RRP1B: variants seen among roughly 807,000 people sequenced by gnomAD.
RRP1B encodes ribosomal RNA processing protein 1 homolog B.
A neutral mutation model predicts 80.2 loss-of-function variants in RRP1B; 56 were observed. The observed-to-expected ratio is 0.70, with a 90% CI of 0.56 to 0.87. RRP1B has a LOEUF of 0.87. RRP1B is among the 40% of genes least tolerant of loss of function. The pLI is 0.00. For synonymous variants in RRP1B, 351 were observed against 357.6 expected (o/e 0.98, Z 0.21); for missense variants, 807 against 939.8 (o/e 0.86, Z 1.85).
intron 1 of RRP1B, among the ~76,000 whole-genome samples, chr21:43,664,402 A>G (rs1010454152): frequency 1.3e-5 from 2 of 152,134 alleles, no homozygotes; most frequent in Non-Finnish European, 2.9e-5. Flanking sequence ...AAAGTGAGAC[A>G]ATTATTATTG....
intron 2 of RRP1B, 131 bp downstream of exon 2, chr21:43,670,097 C>T (rs1568955375): frequency 1.3e-5 from 7 of 523,290 alleles, no homozygotes; most frequent in South Asian, 4.2e-5. Flanking sequence ...GAGTCATTTT[C>T]GTACCTCTTG....
In RRP1B at chr21:43,683,317, G is replaced by A; in HGVS notation, c.835G>A (p.Asp279Asn). 4 of 1,614,200 alleles carry A rather than the reference G, an allele frequency of 2.5e-6. No homozygotes were observed. The highest frequency in any genetic ancestry group is 3.4e-6 in the Non-Finnish European group (4 of 1,180,024). ...KNHSRKDGLS[D>N]ERGRDDCGTF... Reference sequence around the variant, plus strand: ...CCATTCCAGAAAAGATGGACTCAGTGATGAAAGAGGAAGAGATGACTGTGG... The same window carrying A: ...CCATTCCAGAAAAGATGGACTCAGTAATGAAAGAGGAAGAGATGACTGTGG... The change falls in exon 9 of 16, where the codon GAT becomes AAT. Residue 279 changes from aspartate to asparagine, a missense_variant. Asp to Asn is a conservative substitution (Grantham distance 23, BLOSUM62 1). Coordinates refer to ENST00000340648, the MANE Select transcript of RRP1B (RefSeq NM_015056.3).
intron 2 of RRP1B, 26 bp from the exon 3 acceptor site, chr21:43,672,282 G>A (rs1026519504): frequency 1.9e-6 from 3 of 1,612,464 alleles, no homozygotes; most frequent in African/African-American, 2.7e-5. Context: ...TAACCCCCAT[G>A]TTTCTCCCCA....
intron 3 of RRP1B, among the ~76,000 whole-genome samples, chr21:43,673,659 A>C (rs1568956308): frequency 6.6e-6 from 1 of 151,934 alleles, no homozygotes; most frequent in Non-Finnish European, 1.5e-5. Context: ...AAAAAAGTAA[A>C]AGATCTGCAC....
intron 5 of RRP1B, 142 bp from the exon 6 acceptor site, chr21:43,674,892 G>A (rs903675143): frequency 2.5e-6 from 3 of 1,223,104 alleles, no homozygotes; most frequent in Non-Finnish European, 3.5e-6. Context: ...TTAAGTGATT[G>A]CTTTTTTCCT....
intron 8 of RRP1B, among the ~76,000 whole-genome samples, chr21:43,678,845 G>A (rs531186645): frequency 2.3e-4 from 35 of 152,200 alleles, no homozygotes; most frequent in Middle Eastern, 3.4e-3. Context: ...TACCTAAGCC[G>A]ACATCTGGAA....
chr21:43,679,613 C>T (rs2083035650), intron 8 of RRP1B, among the ~76,000 whole-genome samples: 1 of 152,138 alleles, frequency 6.6e-6, no homozygotes, highest in Admixed American at 6.6e-5. Flanking sequence ...TTTGGCTATG[C>T]AGGCTCTTTT....
chr21:43,689,993 C>T (rs1379942122), intron 13 of RRP1B, among the ~76,000 whole-genome samples: 2 of 152,280 alleles, frequency 1.3e-5, no homozygotes, highest in Non-Finnish European at 2.9e-5. Flanking sequence ...ATTAACAGAT[C>T]GGCTTTGAAA....
Position 43,691,937 on chromosome 21 carries a change from G to A in RRP1B, c.2083+435G>A, listed in dbSNP as rs562567333. On this transcript the variant is annotated intron_variant, in intron 15 of 15. Transcript: ENST00000340648. The surrounding 1 kb of genome is among the most constrained non-coding windows in gnomAD (Gnocchi z 4.2). The stretch of plus-strand genomic sequence containing the variant: ...TCTGGGATTACAAGCGTGAGCCACC[G>A]AGCCCGGCCCCTCACTGCCCATTTC... Among the ~76,000 whole-genome samples the A allele has an allele frequency of 9.2e-5, 14 of 152,184 alleles. No homozygotes were observed. The highest frequency in any genetic ancestry group is 1.9e-4 in the East Asian group (1 of 5,178).
intron 15 of RRP1B, among the ~76,000 whole-genome samples, chr21:43,692,957 T>C (rs988393829): frequency 6.6e-6 from 1 of 152,148 alleles, no homozygotes; most frequent in African/African-American, 2.4e-5. Context: ...CCTTAGTCTG[T>C]GCAGGCAGCC....
At position 43,672,377 on chromosome 21, in the gene RRP1B, T is replaced by A. The variant is rs1165959638; in HGVS notation, c.271+12T>A. 1.2e-6 allele frequency: 2 copies of A among 1,610,578 alleles called. No individual in the cohort carries two copies. The highest frequency in any genetic ancestry group is 1.7e-6 in the Non-Finnish European group (2 of 1,176,850). Reference sequence around the variant, plus strand: ...CAACTCAGCGGCTCGTAAGTCCTGTTGTTTCTTCTCCTTCCTTCCAAGTTT... The same window carrying A: ...CAACTCAGCGGCTCGTAAGTCCTGTAGTTTCTTCTCCTTCCTTCCAAGTTT... On this transcript the variant is annotated intron_variant, in intron 3 of 15. Coordinates refer to ENST00000340648, the MANE Select transcript of RRP1B (RefSeq NM_015056.3).
In RRP1B at chr21:43,690,448, C is replaced by A. The variant is rs377092756; in HGVS notation, c.2019+8C>A. 52 of 1,613,472 alleles carry A rather than the reference C, an allele frequency of 3.2e-5. No homozygotes were observed. In the African/African-American group the frequency reaches 3.5e-4, roughly 11 times the overall value. Reference sequence around the variant, plus strand: ...CCAGGCCCTGCCGTCCAGGTACGCACCCTCCCCAGAGTGGCACAGCACATT... The same window carrying A: ...CCAGGCCCTGCCGTCCAGGTACGCAACCTCCCCAGAGTGGCACAGCACATT... On this transcript the variant is annotated splice_region_variant and intron_variant, in intron 14 of 15. Transcript: ENST00000340648.
chr21:43,693,475 G>T lies in RRP1B; in HGVS notation c.*92G>T. ...AATGTGGGGCCTTTTTTATGATTTT[G>T]TAAGTTCCCATAAGTTGTGTGCACG... On this transcript the variant is annotated 3_prime_UTR_variant, in exon 16 of 16. Coordinates refer to ENST00000340648, the MANE Select transcript of RRP1B (RefSeq NM_015056.3). This position sits in a 1 kb window ranked among gnomAD's most constrained non-coding sequence, Gnocchi z 4.1. 7.8e-7 allele frequency: 1 copy of T among 1,285,512 alleles called. No individual in the cohort carries two copies. Among genetic ancestry groups the T allele is most frequent in the Non-Finnish European group, 1.0e-6 (1 of 968,312 alleles). 79.6% of individuals were successfully genotyped at this position (1,285,512 alleles called of 1,614,324 possible).
At chr21:43,663,860 C>A (rs2082967918) in intron 1 of RRP1B, among the ~76,000 whole-genome samples, 1 of 152,154 alleles carries the variant, frequency 6.6e-6, no homozygotes. Flanking sequence ...CTGTACCTGG[C>A]CTACCTCATT....
At chr21:43,690,213 C>T in intron 13 of RRP1B, 75 bp from the exon 14 acceptor site, 3 of 1,550,648 alleles carry the variant, frequency 1.9e-6, no homozygotes, top group Non-Finnish European at 2.6e-6. Context: ...CTGCCTTCCC[C>T]TCCTGTGTGT....
chr21:43,673,249 G>C (rs530601453), intron 3 of RRP1B, among the ~76,000 whole-genome samples: 1 of 152,316 alleles, frequency 6.6e-6, no homozygotes, highest in Non-Finnish European at 1.5e-5. Context: ...ACGTGGCTTT[G>C]CAGTGGATAA....
At position 43,695,108 on chromosome 21, in the gene RRP1B, A is replaced by C. The variant is rs1037970995; in HGVS notation, c.*1725A>C. 1 of 152,078 alleles carries C rather than the reference A, an allele frequency of 6.6e-6. No homozygotes were observed. Among genetic ancestry groups the C allele is most frequent in the Non-Finnish European group, 1.5e-5 (1 of 68,016 alleles). The allele number at this position is 152,078 out of a possible 1,614,324, so 9.4% of individuals were successfully genotyped here. ...AATGGCTGCATTAGATAGGATCCTCACATCCCATTCAGAACCAAAACTGAT... is the reference window on the plus strand; with the variant it reads ...AATGGCTGCATTAGATAGGATCCTCCCATCCCATTCAGAACCAAAACTGAT... On this transcript the variant is annotated 3_prime_UTR_variant, in exon 16 of 16. Transcript: ENST00000340648.
At position 43,691,176 on chromosome 21, in the gene RRP1B, G is replaced by A. The variant is rs1330693810; in HGVS notation, c.2020-263G>A. ...GAGGCAGTGACCGCAGATGGGCCAA[G>A]AGTGTGGGCACCACTGACCCTGGGC... is the stretch of plus-strand genomic sequence containing the variant. On this transcript the variant is annotated intron_variant, in intron 14 of 15. Coordinates refer to ENST00000340648, the MANE Select transcript of RRP1B (RefSeq NM_015056.3). The surrounding 1 kb of genome is among the most constrained non-coding windows in gnomAD (Gnocchi z 4.2). Among the ~76,000 whole-genome samples, 3 of 152,222 alleles carry A rather than the reference G, an allele frequency of 2.0e-5. No homozygotes were observed. The highest frequency in any genetic ancestry group is 4.4e-5 in the Non-Finnish European group (3 of 68,038).
At chr21:43,663,810 C>T (rs934936754) in intron 1 of RRP1B, among the ~76,000 whole-genome samples, 15 of 152,164 alleles carry the variant, frequency 9.9e-5, no homozygotes, top group African/African-American at 3.6e-4. Flanking sequence ...GATCTGCCCA[C>T]CTCGGTCTCC....
Sources: gnomAD v4.1 joint callset for allele counts (sites outside exome capture counted in the v4.1 genomes callset) on GRCh38, gnomAD v4.1.1 for gene constraint, Gnocchi (gnomAD v3.1) non-coding constraint, MANE v1.5 for transcripts, NCBI Gene and HGNC (gene_info 2026-07-23, HGNC 2026-07-21) for gene names.